Variants in XPO6 observed in about 807,000 individuals in gnomAD.
XPO6 encodes exportin-6.
Under a neutral mutation model 130.0 loss-of-function variants are expected in XPO6, and 3 were observed. That is an observed-to-expected ratio of 0.02 (90% CI 0.01 to 0.06). The LOEUF is 0.06. XPO6 is among the 10% of genes least tolerant of loss of function. The pLI is 1.00. For synonymous variants in XPO6, 524 were observed against 548.9 expected, an observed-to-expected ratio of 0.95 and a Z score of 0.63; for missense variants, 970 against 1,393.0, an observed-to-expected ratio of 0.70 and a Z score of 4.83.
chr16:28,171,860 G>A (rs910706573), intron 4 of XPO6, among the ~76,000 whole-genome samples: 1 of 152,056 alleles, frequency 6.6e-6, no homozygotes, highest in Non-Finnish European at 1.5e-5. Flanking sequence ...GAGACCTTTG[G>A]CTTATCAGTC....
chr16:28,151,158 T>G (rs1331851978), intron 8 of XPO6, among the ~76,000 whole-genome samples: 2 of 125,214 alleles, frequency 1.6e-5, no homozygotes, highest in East Asian at 4.7e-4. Flanking sequence ...TCTAGACACA[T>G]TAAGCTACAA....
chr16:28,162,636 A>G (rs2141838105), intron 6 of XPO6, among the ~76,000 whole-genome samples: 1 of 149,010 alleles, frequency 6.7e-6, no homozygotes, highest in African/African-American at 2.5e-5. Context: ...ATCATGGCTC[A>G]CTGCAGCCTC....
chr16:28,169,391 T>G (rs954025513), intron 5 of XPO6, among the ~76,000 whole-genome samples: 3 of 152,188 alleles, frequency 2.0e-5, no homozygotes, highest in African/African-American at 7.2e-5. Context: ...ATCCTCCTAC[T>G]CCAACTTCTC....
chr16:28,153,588 T>G (rs12919673), intron 7 of XPO6: 2 of 985,072 alleles, frequency 2.0e-6, no homozygotes, highest in African/African-American at 3.5e-5. Flanking sequence ...GGATAAGAGA[T>G]CTCTGTTATT....
intron 9 of XPO6, among the ~76,000 whole-genome samples, chr16:28,137,969 G>A (rs1379571172): frequency 6.6e-6 from 1 of 152,060 alleles, no homozygotes; most frequent in Non-Finnish European, 1.5e-5. Context: ...TAGAGACAGA[G>A]ACACTCCCTA....
At chr16:28,201,858 A>T (rs1022167462) in intron 1 of XPO6, among the ~76,000 whole-genome samples, 13 of 152,048 alleles carry the variant, frequency 8.5e-5, no homozygotes, top group Non-Finnish European at 4.4e-5. Flanking sequence ...CCGTCTCAAA[A>T]AATAATAATA....
At chr16:28,195,849 C>G (rs948826708) in intron 1 of XPO6, among the ~76,000 whole-genome samples, 4 of 152,166 alleles carry the variant, frequency 2.6e-5, no homozygotes, top group African/African-American at 9.6e-5. Flanking sequence ...CACTCTTGCT[C>G]TTAAGCAAAA....
In XPO6 at chr16:28,152,725, G is replaced by A. The variant is rs765685994; in HGVS notation, c.1158C>T (p.Ile386=). The change falls in exon 8 of 24, where the codon ATC becomes ATT. Residue 386 remains isoleucine, a synonymous_variant. Transcript: ENST00000304658. ...RLFVSVHLRR[I]ESYSQFPVVE... is the part of the protein sequence containing the mutation. ...CCACAGGGAACTGGGAGTAAGACTC[G>A]ATTCTTCTTAGGTGAACACTCACAA... 10 of 1,613,600 alleles carry A rather than the reference G, an allele frequency of 6.2e-6. No homozygotes were observed. Among genetic ancestry groups the A allele is most frequent in the Middle Eastern group, 1.7e-4 (1 of 6,004 alleles).
chr16:28,123,485 C>A (rs2087302741), intron 13 of XPO6, among the ~76,000 whole-genome samples: 1 of 152,186 alleles, frequency 6.6e-6, no homozygotes, highest in African/African-American at 2.4e-5. Context: ...TGCGTGGAAA[C>A]CTGGAAATGG....
chr16:28,098,713 C>T (rs2086587342), intron 23 of XPO6, 74 bp from the exon 24 acceptor site: 2 of 1,132,354 alleles, frequency 1.8e-6, no homozygotes, highest in Non-Finnish European at 2.6e-6. Flanking sequence ...CAGCTACTTC[C>T]ATCCCAGAGT....
chr16:28,111,895 T>C lies in XPO6; in HGVS notation c.2263A>G (p.Ile755Val), dbSNP rs757942295. Residue 755 changes from isoleucine (I) to valine (V), a missense_variant, in exon 17 of 24, where the codon ATC becomes GTC. Ile to Val is a conservative substitution (Grantham distance 29). This residue lies in a region of XPO6 where 936 missense variants were observed against 1,306.8 expected (regional missense o/e 0.72). Coordinates refer to ENST00000304658, the MANE Select transcript of XPO6 (RefSeq NM_015171.4). ...CGATAGTCCCGGGAGAGTGCAGAGA[T>C]GAGGCTGGCGTGGTTGATGGAGCGC... Reference protein sequence around the residue: ...PVRSINHASLISALSRDYRNL... With the variant: ...PVRSINHASLVSALSRDYRNL... The C allele has an allele frequency of 6.2e-7, 1 of 1,614,108 alleles. No individual in the cohort carries two copies. The highest frequency in any genetic ancestry group is 1.1e-5 in the South Asian group (1 of 91,078).
At position 28,133,855 on chromosome 16, in the gene XPO6, C is replaced by T. The variant is rs560769985; in HGVS notation, c.1522G>A (p.Ala508Thr). The change falls in exon 11 of 24, where the codon GCC (alanine) becomes ACC (threonine). Residue 508 changes from alanine (A) to threonine (T), a missense_variant. By Grantham distance (58) the Ala-to-Thr change is moderately conservative (BLOSUM62 0). Around this residue, in one of 4 missense-constraint regions of XPO6, gnomAD observed 936 missense variants for 1,306.8 expected, o/e 0.72. Transcript: ENST00000304658. Reference protein sequence around the residue: ...AKVMELLPTHAFSTLFPVLQD... With the variant: ...AKVMELLPTHTFSTLFPVLQD... The stretch of plus-strand genomic sequence containing the variant: ...CAGCACATTACCAGTGTGGAGAAGG[C>T]GTGCGTGGGCAGGAGCTCCATCACT... The T allele has an allele frequency of 3.1e-6, 5 of 1,613,998 alleles. No homozygotes were observed. Among genetic ancestry groups the T allele is most frequent in the Admixed American group, 1.7e-5 (1 of 60,020 alleles).
intron 6 of XPO6, among the ~76,000 whole-genome samples, chr16:28,157,516 G>A (rs1049487107): frequency 6.6e-6 from 1 of 152,112 alleles, no homozygotes; most frequent in Non-Finnish European, 1.5e-5. Flanking sequence ...TTAAGGGAAA[G>A]TTACCAGGCA....
intron 12 of XPO6, among the ~76,000 whole-genome samples, chr16:28,129,602 GA>G (rs1302966566): frequency 6.6e-6 from 1 of 151,790 alleles, no homozygotes; most frequent in Admixed American, 6.6e-5. Context: ...TGCCCTAGGG[GA>G]AAAAAAAGTC....
At chr16:28,208,299 C>A (rs777256177) in intron 1 of XPO6, among the ~76,000 whole-genome samples, 1 of 152,146 alleles carries the variant, frequency 6.6e-6, no homozygotes, top group Non-Finnish European at 1.5e-5. Context: ...CAAACTTATG[C>A]CAACTAATAC....
chr16:28,201,320 C>T (rs2043949804), intron 1 of XPO6, among the ~76,000 whole-genome samples: 1 of 152,152 alleles, frequency 6.6e-6, no homozygotes, highest in Non-Finnish European at 1.5e-5. Context: ...CTCAAGGGCC[C>T]ACCTTGACCT....
chr16:28,117,156 G>A, intron 15 of XPO6, 162 bp downstream of exon 15: 3 of 919,038 alleles, frequency 3.3e-6, no homozygotes. Context: ...AATGCATGTA[G>A]GCTACAACTA....
intron 7 of XPO6, chr16:28,154,183 A>G (rs551230020): frequency 1.0e-4 from 103 of 982,472 alleles, no homozygotes; most frequent in Non-Finnish European, 1.1e-4. Context: ...TGATAGTTTT[A>G]CATGGATATT....
intron 3 of XPO6, among the ~76,000 whole-genome samples, chr16:28,176,664 ATTTT>A (rs34096451): frequency 7.4e-6 from 1 of 134,668 alleles, no homozygotes; most frequent in East Asian, 2.1e-4. Context: ...CGCCCGGCTA[ATTTT>A]TTTTTTTTTT....
Sources: gnomAD v4.1 joint callset for allele counts (sites outside exome capture counted in the v4.1 genomes callset) on GRCh38, gnomAD v4.1.1 for gene constraint, gnomAD v4.1.1 regional missense constraint, MANE v1.5 for transcripts, NCBI Gene and HGNC (gene_info 2026-07-23, HGNC 2026-07-21) for gene names.